GABBR1: variants seen among roughly 807,000 people sequenced by gnomAD.
GABBR1 encodes the protein gamma-aminobutyric acid type B receptor subunit 1, also known as GABA-B receptor, R1 subunit.
In GABBR1, 35 loss-of-function variants were observed where a neutral mutation model predicts 117.7. The observed-to-expected ratio is 0.30, with a 90% CI of 0.23 to 0.39. The LOEUF is 0.39. Ranked by LOEUF, GABBR1 falls within the 10% of genes least tolerant of loss-of-function variation. The pLI, the probability that GABBR1 is intolerant of heterozygous loss-of-function variation, is 1.00. For missense variants in GABBR1, 709 were observed against 1,241.8 expected, an observed-to-expected ratio of 0.57 and a Z score of 6.45; for synonymous variants, 442 against 486.6, an observed-to-expected ratio of 0.91 and a Z score of 1.21.
Position 29,616,846 on chromosome 6 carries a change from C to CAAAA in GABBR1, c.1324-3365_1324-3362dup, listed in dbSNP as rs28383807. 3.5e-3 allele frequency among the ~76,000 whole-genome samples: 261 copies of CAAAA among 74,438 alleles called. 2 individuals are homozygous for CAAAA. Among genetic ancestry groups the CAAAA allele is most frequent in the Admixed American group, 7.7e-3 (51 of 6,658 alleles). 48.8% of individuals were successfully genotyped at this position (74,438 alleles called of 152,430 possible). A position where few individuals can be genotyped will look rare whatever the true frequency, so the allele number is the denominator to read the frequency against. ...TGGGCAGCAGAGGGATACTCTACCTCAAAAAAAAAAAAAAAAAAAGGCTGG... is the reference window on the plus strand; with the variant it reads ...TGGGCAGCAGAGGGATACTCTACCTCAAAAAAAAAAAAAAAAAAAAAAAGGCTGG... On this transcript the variant is annotated intron_variant, in intron 11 of 22. Transcript: ENST00000377034.
Position 29,630,444 on chromosome 6 carries a change from G to T in GABBR1, c.475+14C>A. The stretch of plus-strand genomic sequence containing the variant: ...CGTCCTCATCAGCTGCATGCAGGCA[G>T]CTGTTCCCCTCACCCTGGCAGTGGG... On this transcript the variant is annotated intron_variant, in intron 4 of 22. Coordinates refer to ENST00000377034, the MANE Select transcript of GABBR1 (RefSeq NM_001470.4). The surrounding 1 kb of genome is among the most constrained non-coding windows in gnomAD (Gnocchi z 4.9). 6.2e-7 allele frequency: 1 copy of T among 1,606,460 alleles called. No individual in the cohort carries two copies. Among genetic ancestry groups the T allele is most frequent in the Non-Finnish European group, 8.5e-7 (1 of 1,174,734 alleles).
rs1005159843 is a variant in GABBR1, at chr6:29,604,468, C to A, written c.2712+26G>T. The A allele has an allele frequency of 3.7e-6, 6 of 1,613,216 alleles. No individual in the cohort carries two copies. The highest frequency in any genetic ancestry group is 5.1e-6 in the Non-Finnish European group (6 of 1,179,980). ...GCAAGCCTCCTGGACCACTCCAACACCCTACCCTGACACCCACCCCCGCAC... is the reference window on the plus strand; with the variant it reads ...GCAAGCCTCCTGGACCACTCCAACAACCTACCCTGACACCCACCCCCGCAC... On this transcript the variant is annotated intron_variant, in intron 22 of 22. Transcript: ENST00000377034. This position sits in a 1 kb window ranked among gnomAD's most constrained non-coding sequence, Gnocchi z 5.3.
chr6:29,612,563 C>T lies in GABBR1; in HGVS notation c.1618G>A (p.Glu540Lys). The change falls in exon 13 of 23, where the codon GAG becomes AAG. Residue 540 changes from glutamate to lysine, a missense_variant. Physicochemically the swap from Glu to Lys is moderately conservative, Grantham distance 56. Around this residue, in one of 9 missense-constraint regions of GABBR1, gnomAD observed 10 missense variants for 53.6 expected, o/e 0.19. Coordinates refer to ENST00000377034, the MANE Select transcript of GABBR1 (RefSeq NM_001470.4). ...CCCCTGTACTAACCCTGAAGCTGCT[C>T]GATAAGCGTCCATGCCATCCGAGAG... ...SGSRMAWTLIEQLQGGSYKKI... is the reference protein window; with the variant it reads ...SGSRMAWTLIKQLQGGSYKKI... 1 of 1,613,968 alleles carries T rather than the reference C, an allele frequency of 6.2e-7. No individual in the cohort carries two copies. Among genetic ancestry groups the T allele is most frequent in the Non-Finnish European group, 8.5e-7 (1 of 1,179,986 alleles).
chr6:29,614,013 G>A (rs1253558167), intron 11 of GABBR1, among the ~76,000 whole-genome samples: 2 of 152,164 alleles, frequency 1.3e-5, no homozygotes, highest in African/African-American at 4.8e-5. Flanking sequence ...TGTGCTTTTG[G>A]TTCACTGCCT....
In GABBR1 at chr6:29,604,354, A is replaced by C. The variant is rs566859268; in HGVS notation, c.2712+140T>G. The C allele has an allele frequency of 9.0e-6, 9 of 999,302 alleles. No homozygotes were observed. The South Asian group carries it at 1.3e-4, about 14-fold the overall frequency. 61.9% of individuals were successfully genotyped at this position (999,302 alleles called of 1,614,324 possible). A position where few individuals can be genotyped will look rare whatever the true frequency, so the allele number is the denominator to read the frequency against. ...CCCTATGCTGCTCCATTCACTCCTT[A>C]CAGGTTGTCTCCTAGGACCCTCCCT... On this transcript the variant is annotated intron_variant, in intron 22 of 22. Transcript: ENST00000377034. This position sits in a 1 kb window ranked among gnomAD's most constrained non-coding sequence, Gnocchi z 5.3.
At chr6:29,608,542 G>C in intron 16 of GABBR1, 59 bp downstream of exon 16, 3 of 1,554,278 alleles carry the variant, frequency 1.9e-6, no homozygotes, top group Non-Finnish European at 2.6e-6. Context: ...CATGGAAGGT[G>C]CTCCTGAGAC....
At position 29,605,587 on chromosome 6, in the gene GABBR1, C is replaced by T. The variant is rs1761860095; in HGVS notation, c.2421G>A (p.Met807Ile). Residue 807 changes from methionine (M) to isoleucine (I), a missense_variant, in exon 20 of 23, where the codon ATG (methionine) becomes ATA (isoleucine). Transcript: ENST00000377034. The surrounding 1 kb of genome is among the most constrained non-coding windows in gnomAD (Gnocchi z 4.2). Reference sequence around the variant, plus strand: ...TGCTCACTGCCACATTGTAGATAGCCATGCCCACAGCCCGGTGATCATTGA... The same window carrying T: ...TGCTCACTGCCACATTGTAGATAGCTATGCCCACAGCCCGGTGATCATTGA... ...EKINDHRAVG[M>I]AIYNVAVLCL... The T allele has an allele frequency of 6.2e-7, 1 of 1,612,978 alleles. No individual in the cohort carries two copies. Among genetic ancestry groups the T allele is most frequent in the Admixed American group, 1.7e-5 (1 of 59,998 alleles).
In GABBR1 at chr6:29,621,201, A is replaced by G; in HGVS notation, c.1223T>C (p.Ile408Thr). 6.2e-7 allele frequency: 1 copy of G among 1,613,078 alleles called. No individual in the cohort carries two copies. ...DNWFKIYDPSINCTVDEMTEA... is the reference protein window; with the variant it reads ...DNWFKIYDPSTNCTVDEMTEA... ...AGTCATCTCATCCACTGTGCAGTTG[A>G]TAGAAGGGTCGTAGATCTTGAACCA... The change falls in exon 11 of 23, where the codon ATC becomes ACC. Residue 408 changes from isoleucine (I) to threonine (T), a missense_variant. Ile to Thr is a moderately conservative substitution (Grantham distance 89, BLOSUM62 -1). Coordinates refer to ENST00000377034, the MANE Select transcript of GABBR1 (RefSeq NM_001470.4). This position sits in a 1 kb window ranked among gnomAD's most constrained non-coding sequence, Gnocchi z 5.0.
rs73744768 is a variant in GABBR1, at chr6:29,607,819, C to T, written c.1993-601G>A. 3.5e-4 allele frequency among the ~76,000 whole-genome samples: 53 copies of T among 152,352 alleles called. No homozygotes were observed. Among genetic ancestry groups the T allele is most frequent in the African/African-American group, 1.2e-3 (50 of 41,582 alleles). ...GCAGTGAACTGTGTTCCCTTCTTTGCCCCCAAAGCACTTTGTGCAGATCCC... is the reference window on the plus strand; with the variant it reads ...GCAGTGAACTGTGTTCCCTTCTTTGTCCCCAAAGCACTTTGTGCAGATCCC... On this transcript the variant is annotated intron_variant, in intron 16 of 22. Transcript: ENST00000377034. The surrounding 1 kb of genome is among the most constrained non-coding windows in gnomAD (Gnocchi z 5.0).
intron 11 of GABBR1, among the ~76,000 whole-genome samples, chr6:29,614,117 A>T (rs910371418): frequency 2.0e-5 from 3 of 152,198 alleles, no homozygotes; most frequent in Non-Finnish European, 4.4e-5. Flanking sequence ...CCCAACACTC[A>T]ACCTTCTTTT....
At position 29,631,819 on chromosome 6, in the gene GABBR1, C is replaced by G. The variant is rs990780265; in HGVS notation, c.86-220G>C. On this transcript the variant is annotated intron_variant, in intron 2 of 22. Coordinates refer to ENST00000377034, the MANE Select transcript of GABBR1 (RefSeq NM_001470.4). The surrounding 1 kb of genome is among the most constrained non-coding windows in gnomAD (Gnocchi z 5.9). ...CCAGGGTTAAAGCTGATGAGAGAAC[C>G]CACAAGTGGGGAGGGAAGGGTGCTG... Among the ~76,000 whole-genome samples, 1 of 151,726 alleles carries G rather than the reference C, an allele frequency of 6.6e-6. No homozygotes were observed. The highest frequency in any genetic ancestry group is 1.5e-5 in the Non-Finnish European group (1 of 67,956).
In GABBR1 at chr6:29,603,833, G is replaced by T. The variant is rs1003110257; in HGVS notation, c.2713-117C>A. ...GAGGAAGGGCACAGAAAAATGTAGGGGGAGGACGTAGGGTAAGTGGACAGA... is the reference window on the plus strand; with the variant it reads ...GAGGAAGGGCACAGAAAAATGTAGGTGGAGGACGTAGGGTAAGTGGACAGA... On this transcript the variant is annotated intron_variant, in intron 22 of 22. Transcript: ENST00000377034. 23 of 655,064 alleles carry T rather than the reference G, an allele frequency of 3.5e-5. No homozygotes were observed. The Middle Eastern group carries it at 8.2e-4, about 23-fold the overall frequency. The allele number at this position is 655,064 out of a possible 1,614,324, so 40.6% of individuals were successfully genotyped here.
rs1205659576 is a variant in GABBR1 at position 29,604,141 on chromosome 6, G to A, written c.2712+353C>T. On this transcript the variant is annotated intron_variant, in intron 22 of 22. Coordinates refer to ENST00000377034, the MANE Select transcript of GABBR1 (RefSeq NM_001470.4). The surrounding 1 kb of genome is among the most constrained non-coding windows in gnomAD (Gnocchi z 5.3). ...ATGCTGGGGCTGCATGCTACACCCAGCTGCTGTGAGTGTTGACTACTAGAG... is the reference window on the plus strand; with the variant it reads ...ATGCTGGGGCTGCATGCTACACCCAACTGCTGTGAGTGTTGACTACTAGAG... Among the ~76,000 whole-genome samples the A allele has an allele frequency of 6.6e-6, 1 of 152,032 alleles. No homozygotes were observed. Among genetic ancestry groups the A allele is most frequent in the Non-Finnish European group, 1.5e-5 (1 of 68,000 alleles).
chr6:29,617,076 G>C (rs558712955), intron 11 of GABBR1, among the ~76,000 whole-genome samples: 51 of 149,774 alleles, frequency 3.4e-4, no homozygotes, highest in Non-Finnish European at 7.2e-4. Context: ...TCTCAAACAA[G>C]TTATTAAACC....
rs746328900 is a variant in GABBR1 at position 29,606,108 on chromosome 6, T to G, written c.2311+283A>C. The G allele has an allele frequency of 3.0e-4, 167 of 550,760 alleles. No individual in the cohort carries two copies. The highest frequency in any genetic ancestry group is 4.7e-4 in the Non-Finnish European group (147 of 309,994). The allele number at this position is 550,760 out of a possible 1,614,324, so 34.1% of individuals were successfully genotyped here. ...AGGCCAAGGGGGATCTAAAAGATAATGTCAAGTCTGGAGGTGGGGTTACCC... is the reference window on the plus strand; with the variant it reads ...AGGCCAAGGGGGATCTAAAAGATAAGGTCAAGTCTGGAGGTGGGGTTACCC... On this transcript the variant is annotated intron_variant, in intron 19 of 22. Coordinates refer to ENST00000377034, the MANE Select transcript of GABBR1 (RefSeq NM_001470.4). The surrounding 1 kb of genome is among the most constrained non-coding windows in gnomAD (Gnocchi z 4.5).
At position 29,623,912 on chromosome 6, in the gene GABBR1, G is replaced by C; in HGVS notation, c.770C>G (p.Ala257Gly). ...TACCACAATGAGGTTCCACATCCTA[G>C]CAGCCTCAGCCACCAGCGTGGAGAC... ...SSVSTLVAEAARMWNLIVLSY... is the reference protein window; with the variant it reads ...SSVSTLVAEAGRMWNLIVLSY... The change falls in exon 7 of 23, where the codon GCT becomes GGT. Residue 257 changes from alanine to glycine, a missense_variant. Ala to Gly is a moderately conservative substitution (Grantham distance 60). Around this residue, in one of 9 missense-constraint regions of GABBR1, gnomAD observed 192 missense variants for 418.4 expected, o/e 0.46. Transcript: ENST00000377034. The surrounding 1 kb of genome is among the most constrained non-coding windows in gnomAD (Gnocchi z 6.2). 6.2e-7 allele frequency: 1 copy of C among 1,612,916 alleles called. No homozygotes were observed. The highest frequency in any genetic ancestry group is 1.3e-5 in the African/African-American group (1 of 75,034).
At position 29,603,088 on chromosome 6, in the gene GABBR1, G is replaced by C. The variant is rs1168661740; in HGVS notation, c.*455C>G. On this transcript the variant is annotated 3_prime_UTR_variant, in exon 23 of 23. Coordinates refer to ENST00000377034, the MANE Select transcript of GABBR1 (RefSeq NM_001470.4). ...TAGAAGGGCAAGTAAGATGGAAAGA[G>C]ATTATGACAGTGGAGAAAAGGAGAG... 2.2e-6 allele frequency: 1 copy of C among 458,918 alleles called. No homozygotes were observed. Among genetic ancestry groups the C allele is most frequent in the East Asian group, 6.9e-5 (1 of 14,458 alleles). 28.4% of individuals were successfully genotyped at this position (458,918 alleles called of 1,614,324 possible).
intron 6 of GABBR1, 50 bp from the exon 7 acceptor site, chr6:29,624,074 G>T: frequency 6.6e-7 from 1 of 1,525,550 alleles, no homozygotes; most frequent in South Asian, 1.3e-5. Flanking sequence ...CCCCTCCCCT[G>T]TCTGCAATTC....
Position 29,620,592 on chromosome 6 carries a change from C to T in GABBR1, c.1323+509G>A, listed in dbSNP as rs1313424765. ...GTCTGGGGCTAAATGATTTCAAAAG[C>T]CCCTTCTCCACATAAAATTCTAAAA... On this transcript the variant is annotated intron_variant, in intron 11 of 22. Transcript: ENST00000377034. The surrounding 1 kb of genome is among the most constrained non-coding windows in gnomAD (Gnocchi z 4.5). Among the ~76,000 whole-genome samples, 1 of 152,086 alleles carries T rather than the reference C, an allele frequency of 6.6e-6. No individual in the cohort carries two copies. The highest frequency in any genetic ancestry group is 1.5e-5 in the Non-Finnish European group (1 of 68,020).
Sources: gnomAD v4.1 joint callset for allele counts (sites outside exome capture counted in the v4.1 genomes callset) on GRCh38, gnomAD v4.1.1 for gene constraint, gnomAD v4.1.1 regional missense constraint, Gnocchi (gnomAD v3.1) non-coding constraint, MANE v1.5 for transcripts, NCBI Gene and HGNC (gene_info 2026-07-23, HGNC 2026-07-21) for gene names.